Variants in KIAA1549L observed in about 807,000 individuals in gnomAD.
KIAA1549L encodes KIAA1549 like.
Under a neutral mutation model 160.7 loss-of-function variants are expected in KIAA1549L, and 88 were observed. That is an observed-to-expected ratio of 0.55 (90% confidence interval 0.46 to 0.65). KIAA1549L has a LOEUF of 0.65. Among genes scored for constraint, KIAA1549L ranks in the 30% least tolerant of loss-of-function variants. KIAA1549L has a pLI of 0.00. For synonymous variants in KIAA1549L, 950 were observed against 976.7 expected (o/e 0.97, Z 0.51); for missense variants, 2,258 against 2,437.5 (o/e 0.93, Z 1.55).
chr11:33,597,364 G>A (rs147998149), intron 12 of KIAA1549L, among the ~76,000 whole-genome samples: 8 of 152,236 alleles, frequency 5.3e-5, no homozygotes, highest in East Asian at 1.9e-4. Flanking sequence ...GGAAATTTCC[G>A]GAGGCAGAGG....
intron 1 of KIAA1549L, among the ~76,000 whole-genome samples, chr11:33,508,318 C>T (rs1477284953): frequency 2.0e-5 from 3 of 152,214 alleles, no homozygotes; most frequent in Non-Finnish European, 2.9e-5. Context: ...CATCCAGCCA[C>T]GGTGGCTTCA....
intron 1 of KIAA1549L, among the ~76,000 whole-genome samples, chr11:33,417,289 A>G (rs34930127): frequency 0.29 from 44,184 of 152,114 alleles, 7,760 homozygotes; most frequent in Non-Finnish European, 0.39. Context: ...ACTGCCGCAC[A>G]GGCACACAGC....
chr11:33,452,796 C>T (rs1565143476), intron 1 of KIAA1549L, among the ~76,000 whole-genome samples: 1 of 152,070 alleles, frequency 6.6e-6, no homozygotes, highest in Non-Finnish European at 1.5e-5. Context: ...CCTGTGTGTC[C>T]CCTGGCACTT....
chr11:33,406,826 T>C (rs1186670272), intron 1 of KIAA1549L, among the ~76,000 whole-genome samples: 1 of 152,220 alleles, frequency 6.6e-6, no homozygotes, highest in Non-Finnish European at 1.5e-5. Flanking sequence ...TTTGTTAACC[T>C]TTGCTTTCGC....
At chr11:33,551,769 T>C (rs1854471742) in intron 5 of KIAA1549L, among the ~76,000 whole-genome samples, 1 of 152,234 alleles carries the variant, frequency 6.6e-6, no homozygotes, top group Non-Finnish European at 1.5e-5. Context: ...TGGAGGTCAA[T>C]GATTTTCTTC....
intron 6 of KIAA1549L, among the ~76,000 whole-genome samples, chr11:33,556,840 C>T (rs577693406): frequency 5.3e-5 from 8 of 152,080 alleles, no homozygotes; most frequent in East Asian, 1.9e-4. Context: ...TGCCACTGAA[C>T]GATACACTTA....
intron 1 of KIAA1549L, among the ~76,000 whole-genome samples, chr11:33,406,550 C>G (rs74961434): frequency 0.01 from 1,538 of 152,336 alleles, 20 homozygotes; most frequent in African/African-American, 0.034. Context: ...CAAACTACCC[C>G]CTTTGCTTAT....
intron 1 of KIAA1549L, among the ~76,000 whole-genome samples, chr11:33,526,764 G>T (rs1024396518): frequency 2.0e-5 from 3 of 152,110 alleles, no homozygotes; most frequent in Non-Finnish European, 4.4e-5. Context: ...CACCCTAAAA[G>T]ACCACATTAG....
chr11:33,454,004 A>G (rs779179605), intron 1 of KIAA1549L, among the ~76,000 whole-genome samples: 9 of 152,218 alleles, frequency 5.9e-5, no homozygotes, highest in East Asian at 1.9e-4. Flanking sequence ...AAGTGTTTAT[A>G]TGCTATTTGG....
intron 16 of KIAA1549L, among the ~76,000 whole-genome samples, chr11:33,631,110 C>T (rs1467399550): frequency 6.6e-6 from 1 of 152,178 alleles, no homozygotes; most frequent in Non-Finnish European, 1.5e-5. Flanking sequence ...CATTACTCAC[C>T]ACTGCTGAAG....
chr11:33,463,256 T>G (rs1203531189), intron 1 of KIAA1549L, among the ~76,000 whole-genome samples: 1 of 152,192 alleles, frequency 6.6e-6, no homozygotes, highest in Non-Finnish European at 1.5e-5. Context: ...TTGCCTTCTT[T>G]TTTCACACTC....
chr11:33,608,015 G>A (rs1466540220), intron 14 of KIAA1549L, among the ~76,000 whole-genome samples: 1 of 152,204 alleles, frequency 6.6e-6, no homozygotes, highest in Non-Finnish European at 1.5e-5. Flanking sequence ...CAGCCATGAG[G>A]TTGAGGTCCC....
At chr11:33,599,809 A>G (rs1377839083) in intron 13 of KIAA1549L, among the ~76,000 whole-genome samples, 1 of 152,130 alleles carries the variant, frequency 6.6e-6, no homozygotes, top group Non-Finnish European at 1.5e-5. Flanking sequence ...TACTGATTTC[A>G]TATCAGGGAA....
At chr11:33,578,674 C>G (rs1855536942) in intron 10 of KIAA1549L, among the ~76,000 whole-genome samples, 1 of 152,222 alleles carries the variant, frequency 6.6e-6, no homozygotes, top group East Asian at 1.9e-4. Context: ...GACTGCACAG[C>G]TTGGTCTCAG....
chr11:33,400,068 TATTA>T (rs144308800), intron 1 of KIAA1549L, among the ~76,000 whole-genome samples: 2,596 of 152,354 alleles, frequency 0.017, 72 homozygotes, highest in African/African-American at 0.059. Context: ...CAATGTTTAT[TATTA>T]ATTAATAGAA....
rs540697244 is a variant in KIAA1549L, at chr11:33,670,449, G to A, written c.*2295G>A. ...CAGAGCCCCAGGAAATACTGAGTGA[G>A]TCAACTGAGACGACTAAAAAGATAG... On this transcript the variant is annotated 3_prime_UTR_variant, in exon 21 of 21. Coordinates refer to ENST00000658780, the MANE Select transcript of KIAA1549L (RefSeq NM_012194.3). The A allele has an allele frequency of 6.6e-6, 1 of 152,326 alleles. No homozygotes were observed. The highest frequency in any genetic ancestry group is 2.4e-5 in the African/African-American group (1 of 41,556). 9.4% of individuals were successfully genotyped at this position (152,326 alleles called of 1,614,324 possible). A position where few individuals can be genotyped will look rare whatever the true frequency, so the allele number is the denominator to read the frequency against.
intron 1 of KIAA1549L, among the ~76,000 whole-genome samples, chr11:33,424,230 T>C (rs995525027): frequency 3.9e-5 from 6 of 152,174 alleles, no homozygotes; most frequent in African/African-American, 1.2e-4. Context: ...TTATTGACTT[T>C]CTGGGCCAGA....
intron 13 of KIAA1549L, among the ~76,000 whole-genome samples, chr11:33,605,051 A>G (rs1030863786): frequency 1.3e-5 from 2 of 152,246 alleles, no homozygotes; most frequent in African/African-American, 4.8e-5. Flanking sequence ...TCCTTGCCAC[A>G]TGGACCTTTC....
At chr11:33,391,260 G>A (rs1045945564) in intron 1 of KIAA1549L, among the ~76,000 whole-genome samples, 3 of 152,128 alleles carry the variant, frequency 2.0e-5, no homozygotes, top group Non-Finnish European at 2.9e-5. Context: ...TAATTTTCTT[G>A]AATGAGCATT....
Sources: allele counts gnomAD v4.1 joint callset (sites outside exome capture counted in the v4.1 genomes callset), GRCh38; gene constraint gnomAD v4.1.1; transcripts MANE v1.5; gene names NCBI Gene and HGNC (gene_info 2026-07-23, HGNC 2026-07-21).